SPIRE1: variants seen among roughly 807,000 people sequenced by gnomAD.
SPIRE1 encodes the protein protein spire homolog 1.
In SPIRE1, 40 loss-of-function variants were observed where a neutral mutation model predicts 94.1. The ratio of observed to expected loss-of-function variants is 0.43; its 90% CI spans 0.33 to 0.55. The LOEUF is 0.55. Ranked by LOEUF, SPIRE1 falls within the 20% of genes least tolerant of loss-of-function variation. The pLI is 0.06. For missense variants in SPIRE1, 838 were observed against 975.2 expected (o/e 0.86, Z 1.87); for synonymous variants, 376 against 371.7 (o/e 1.01, Z -0.13).
intron 2 of SPIRE1, among the ~76,000 whole-genome samples, chr18:12,614,201 C>A (rs1400483419): frequency 6.6e-6 from 1 of 152,110 alleles, no homozygotes; most frequent in Non-Finnish European, 1.5e-5. Flanking sequence ...GTGCAGACTG[C>A]AGTGAGCTAT....
intron 2 of SPIRE1, among the ~76,000 whole-genome samples, chr18:12,577,472 T>A (rs577198131): frequency 2.7e-4 from 41 of 152,128 alleles, no homozygotes; most frequent in Non-Finnish European, 5.6e-4. Flanking sequence ...TTTAAATGTA[T>A]CATATATCAA....
chr18:12,591,946 G>C (rs2036546551), intron 2 of SPIRE1, among the ~76,000 whole-genome samples: 1 of 140,764 alleles, frequency 7.1e-6, no homozygotes, highest in Non-Finnish European at 1.5e-5. Context: ...TCCAGCCTGG[G>C]CGACAGAGCA....
chr18:12,528,733 C>T (rs2144150309), intron 4 of SPIRE1, among the ~76,000 whole-genome samples: 1 of 152,224 alleles, frequency 6.6e-6, no homozygotes, highest in Non-Finnish European at 1.5e-5. Flanking sequence ...GATGTCAAAC[C>T]AATGCGTGAG....
intron 2 of SPIRE1, among the ~76,000 whole-genome samples, chr18:12,569,244 G>A (rs2035894858): frequency 6.6e-6 from 1 of 151,712 alleles, no homozygotes; most frequent in Non-Finnish European, 1.5e-5. Flanking sequence ...TCGGGAGGCT[G>A]AGGCAGGAGA....
At chr18:12,616,805 G>A (rs1213117742) in intron 2 of SPIRE1, among the ~76,000 whole-genome samples, 2 of 152,164 alleles carry the variant, frequency 1.3e-5, no homozygotes, top group African/African-American at 2.4e-5. Flanking sequence ...CATGTGCTAC[G>A]TTTTATTAAG....
chr18:12,497,365 C>T (rs75822320), intron 6 of SPIRE1, among the ~76,000 whole-genome samples: 1 of 152,100 alleles, frequency 6.6e-6, no homozygotes, highest in African/African-American at 2.4e-5. Context: ...AATTCCCATT[C>T]TGACCACTTA....
At chr18:12,589,232 C>T (rs1266748868) in intron 2 of SPIRE1, among the ~76,000 whole-genome samples, 1 of 152,134 alleles carries the variant, frequency 6.6e-6, no homozygotes, top group East Asian at 1.9e-4. Flanking sequence ...TAACTAGAGA[C>T]TAAGTAAGTA....
chr18:12,553,539 G>C (rs554258961), intron 2 of SPIRE1, among the ~76,000 whole-genome samples: 8 of 152,250 alleles, frequency 5.3e-5, no homozygotes, highest in Non-Finnish European at 1.0e-4. Context: ...CCCATGGTTT[G>C]AGTGCTAGCT....
intron 2 of SPIRE1, among the ~76,000 whole-genome samples, chr18:12,562,484 TA>T (rs2035714532): frequency 6.7e-6 from 1 of 148,264 alleles, no homozygotes. Flanking sequence ...TTTTATTTTA[TA>T]TTTTTTGTTT....
intron 9 of SPIRE1, among the ~76,000 whole-genome samples, chr18:12,485,702 A>C (rs1458887311): frequency 1.3e-5 from 2 of 152,202 alleles, no homozygotes; most frequent in African/African-American, 4.8e-5. Context: ...TAAGATGGGC[A>C]CCATCTTCTA....
chr18:12,625,210 G>A (rs1270621194), intron 2 of SPIRE1, among the ~76,000 whole-genome samples: 5 of 152,108 alleles, frequency 3.3e-5, no homozygotes, highest in South Asian at 2.1e-4. Context: ...ATTGACACTC[G>A]GAAGCGGCAA....
At chr18:12,495,067 A>AC (rs1304985352) in intron 7 of SPIRE1, among the ~76,000 whole-genome samples, 1 of 149,978 alleles carries the variant, frequency 6.7e-6, no homozygotes, top group Non-Finnish European at 1.5e-5. Context: ...AAAAAAAAAA[A>AC]CCCTCCTAGG....
intron 10 of SPIRE1, among the ~76,000 whole-genome samples, chr18:12,478,321 AGGGT>A (rs1356672798): frequency 1.3e-5 from 2 of 148,200 alleles, no homozygotes; most frequent in Non-Finnish European, 3.0e-5. Context: ...GTGTGTAGCT[AGGGT>A]GTGTGTGTGC....
At chr18:12,500,910 T>C (rs986101219) in intron 6 of SPIRE1, among the ~76,000 whole-genome samples, 3 of 151,376 alleles carry the variant, frequency 2.0e-5, no homozygotes, top group East Asian at 3.9e-4. Context: ...CTGTCTCTAC[T>C]AAAAATACAA....
At chr18:12,515,935 C>T (rs1343083748) in intron 4 of SPIRE1, 1 of 152,110 alleles carries the variant, frequency 6.6e-6, no homozygotes, top group Non-Finnish European at 1.5e-5. Flanking sequence ...TAGGTGTTCC[C>T]AAAAGCATGC....
chr18:12,618,741 T>C (rs924220968), intron 2 of SPIRE1, among the ~76,000 whole-genome samples: 2 of 152,176 alleles, frequency 1.3e-5, no homozygotes, highest in Non-Finnish European at 2.9e-5. Context: ...CCACTTGAAA[T>C]ATAAATTATA....
intron 9 of SPIRE1, among the ~76,000 whole-genome samples, chr18:12,484,875 T>C (rs1316324732): frequency 1.3e-5 from 2 of 152,202 alleles, no homozygotes; most frequent in African/African-American, 2.4e-5. Flanking sequence ...CTGGGCAACA[T>C]GGTGAAACCC....
At chr18:12,635,582 T>C (rs1488677027) in intron 1 of SPIRE1, among the ~76,000 whole-genome samples, 1 of 152,204 alleles carries the variant, frequency 6.6e-6, no homozygotes, top group East Asian at 1.9e-4. Context: ...TTTTCTTTAA[T>C]ATATGATTAG....
intron 2 of SPIRE1, among the ~76,000 whole-genome samples, chr18:12,618,869 C>T (rs2037384390): frequency 6.8e-6 from 1 of 147,034 alleles, no homozygotes; most frequent in South Asian, 2.3e-4. Context: ...CCCGCCAGCT[C>T]TGAGCCCCAC....
Sources: allele counts gnomAD v4.1 joint callset (sites outside exome capture counted in the v4.1 genomes callset), GRCh38; gene constraint gnomAD v4.1.1; transcripts MANE v1.5; gene names NCBI Gene and HGNC (gene_info 2026-07-23, HGNC 2026-07-21).